ATP8A2: variants seen among roughly 807,000 people sequenced by gnomAD.
The protein encoded by ATP8A2 is phospholipid-transporting ATPase IB.
Under a neutral mutation model 165.6 loss-of-function variants are expected in ATP8A2, and 100 were observed. The observed-to-expected ratio is 0.60, with a 90% CI of 0.51 to 0.71. The LOEUF is 0.71. Ranked by LOEUF, ATP8A2 falls within the 30% of genes least tolerant of loss-of-function variation. The pLI, the probability that ATP8A2 is intolerant of heterozygous loss-of-function variation, is 0.00. For missense variants in ATP8A2, 1,227 were observed against 1,479.5 expected (o/e 0.83, Z 2.80); for synonymous variants, 543 against 548.8 (o/e 0.99, Z 0.15).
chr13:25,488,043 A>C (rs2036406506), intron 2 of ATP8A2, among the ~76,000 whole-genome samples: 3 of 152,216 alleles, frequency 2.0e-5, no homozygotes, highest in Admixed American at 2.0e-4. Context: ...TCGGGAAGCT[A>C]AATGAGATTT....
intron 1 of ATP8A2, among the ~76,000 whole-genome samples, chr13:25,378,886 A>G (rs1432856342): frequency 1.3e-5 from 2 of 152,216 alleles, no homozygotes; most frequent in Non-Finnish European, 1.5e-5. Flanking sequence ...GGTAATTACT[A>G]ATATGCCTTT....
At chr13:25,443,861 T>C (rs1374089909) in intron 1 of ATP8A2, among the ~76,000 whole-genome samples, 2 of 152,352 alleles carry the variant, frequency 1.3e-5, no homozygotes, top group African/African-American at 2.4e-5. Context: ...CAAATATCCA[T>C]TGAGTGATAG....
chr13:25,584,259 A>G (rs185140877), intron 23 of ATP8A2, among the ~76,000 whole-genome samples: 1 of 152,276 alleles, frequency 6.6e-6, no homozygotes, highest in African/African-American at 2.4e-5. Flanking sequence ...ACATTTTATT[A>G]GACTTTTCAG....
intron 33 of ATP8A2, among the ~76,000 whole-genome samples, chr13:25,863,935 A>T (rs143443344): frequency 3.9e-5 from 6 of 152,264 alleles, no homozygotes; most frequent in Non-Finnish European, 4.4e-5. Flanking sequence ...CAGTGAACCC[A>T]GAAGATTGTT....
chr13:25,439,337 G>C (rs1369052181), intron 1 of ATP8A2, among the ~76,000 whole-genome samples: 1 of 152,144 alleles, frequency 6.6e-6, no homozygotes, highest in Non-Finnish European at 1.5e-5. Flanking sequence ...GTCAAAAAAA[G>C]GACATCATGG....
intron 2 of ATP8A2, among the ~76,000 whole-genome samples, chr13:25,528,751 G>GCACA (rs2037922745): frequency 1.3e-5 from 2 of 150,802 alleles, no homozygotes; most frequent in Non-Finnish European, 3.0e-5. Flanking sequence ...ACTTGTGTAT[G>GCACA]CATACATATG....
rs149401911 is a variant in ATP8A2, at chr13:25,818,085, T to G, written c.2680-10033T>G. 2.2e-4 allele frequency among the ~76,000 whole-genome samples: 34 copies of G among 152,348 alleles called. 1 individual carries two copies. The East Asian group carries it at 5.8e-3, about 26-fold the overall frequency. ...GAAAGATGAGAAGATTACTTCTGATTGTCTGCTAGGCCAGTCTCAACCATA... is the reference window on the plus strand; with the variant it reads ...GAAAGATGAGAAGATTACTTCTGATGGTCTGCTAGGCCAGTCTCAACCATA... On this transcript the variant is annotated intron_variant, in intron 27 of 36. Transcript: ENST00000381655.
intron 24 of ATP8A2, among the ~76,000 whole-genome samples, chr13:25,659,206 A>C (rs867657396): frequency 1.3e-5 from 2 of 152,192 alleles, no homozygotes; most frequent in African/African-American, 4.8e-5. Context: ...AGATAGTAGG[A>C]GGTGACCCTT....
chr13:25,531,385 GAT>G (rs201936199), intron 4 of ATP8A2, among the ~76,000 whole-genome samples: 6,296 of 71,134 alleles, frequency 0.089, 414 homozygotes, highest in African/African-American at 0.2. Flanking sequence ...TTATATATAT[GAT>G]ATATATATGA....
intron 2 of ATP8A2, among the ~76,000 whole-genome samples, chr13:25,504,275 G>C (rs2036951334): frequency 6.6e-6 from 1 of 151,952 alleles, no homozygotes; most frequent in African/African-American, 2.4e-5. Flanking sequence ...ATTGGTAATT[G>C]GTATAAGATT....
intron 24 of ATP8A2, among the ~76,000 whole-genome samples, chr13:25,644,643 C>T (rs2041623523): frequency 6.6e-6 from 1 of 151,950 alleles, no homozygotes; most frequent in Admixed American, 6.6e-5. Flanking sequence ...TTCTTCATTA[C>T]AGCATTTGGT....
chr13:25,582,741 G>A (rs2039810223), intron 23 of ATP8A2, among the ~76,000 whole-genome samples: 2 of 152,192 alleles, frequency 1.3e-5, no homozygotes, highest in Non-Finnish European at 2.9e-5. Context: ...GTCCTCTTCA[G>A]AGTAGTCTTC....
chr13:25,559,135 G>C, intron 14 of ATP8A2, 74 bp downstream of exon 14: 1 of 1,019,190 alleles, frequency 9.8e-7, no homozygotes, highest in Non-Finnish European at 1.5e-6. Flanking sequence ...TAGCTACTTA[G>C]TCAAATATCT....
intron 1 of ATP8A2, among the ~76,000 whole-genome samples, chr13:25,450,486 G>A (rs1268384730): frequency 6.6e-6 from 1 of 152,076 alleles, no homozygotes; most frequent in Non-Finnish European, 1.5e-5. Context: ...GCAAGGATCT[G>A]TTATTTTTTT....
intron 34 of ATP8A2, among the ~76,000 whole-genome samples, chr13:25,966,805 G>C (rs544471855): frequency 6.6e-6 from 1 of 152,214 alleles, no homozygotes; most frequent in Admixed American, 6.5e-5. Flanking sequence ...TAGGTTCCCA[G>C]TGGCCAACCT....
chr13:25,808,790 A>T (rs988663367), intron 27 of ATP8A2, among the ~76,000 whole-genome samples: 5 of 151,752 alleles, frequency 3.3e-5, no homozygotes, highest in African/African-American at 9.7e-5. Context: ...TCTACTTAAA[A>T]TTTTTTTTCA....
chr13:25,821,962 T>G (rs1951192812), intron 27 of ATP8A2, among the ~76,000 whole-genome samples: 1 of 152,210 alleles, frequency 6.6e-6, no homozygotes, highest in African/African-American at 2.4e-5. Flanking sequence ...CAGAGAACAC[T>G]TCTACCACCT....
chr13:25,429,301 C>T (rs376234890), intron 1 of ATP8A2, among the ~76,000 whole-genome samples: 92 of 141,884 alleles, frequency 6.5e-4, no homozygotes, highest in African/African-American at 2.4e-3. Flanking sequence ...ACCTGGGAGG[C>T]GGAGGTTGCA....
chr13:25,870,232 G>A (rs1210377588), intron 33 of ATP8A2, among the ~76,000 whole-genome samples: 2 of 152,180 alleles, frequency 1.3e-5, no homozygotes, highest in Non-Finnish European at 2.9e-5. Flanking sequence ...CTGCTGATGT[G>A]TTTCTCTCAA....
Sources: allele counts gnomAD v4.1 joint callset (sites outside exome capture counted in the v4.1 genomes callset), GRCh38; gene constraint gnomAD v4.1.1; transcripts MANE v1.5; gene names NCBI Gene and HGNC (gene_info 2026-07-23, HGNC 2026-07-21).